Variants in PTPRD observed in about 807,000 individuals in gnomAD.
PTPRD encodes receptor-type tyrosine-protein phosphatase delta.
A neutral mutation model predicts 214.5 loss-of-function variants in PTPRD; 34 were observed. That is an observed-to-expected ratio of 0.16 (90% confidence interval 0.12 to 0.21). PTPRD has a LOEUF of 0.21. Among genes scored for constraint, PTPRD ranks in the 10% least tolerant of loss-of-function variants. PTPRD has a pLI of 1.00. For synonymous variants in PTPRD, 1,128 were observed against 845.7 expected (o/e 1.33, Z -5.79); for missense variants, 2,545 against 2,398.7 (o/e 1.06, Z -1.27).
chr9:9,553,151 T>C (rs2080729633), intron 8 of PTPRD, among the ~76,000 whole-genome samples: 1 of 152,090 alleles, frequency 6.6e-6, no homozygotes, highest in South Asian at 2.1e-4. Context: ...TGCAGTCGCC[T>C]GCTCCTATTA....
At chr9:8,933,340 G>T (rs72706259) in intron 11 of PTPRD, among the ~76,000 whole-genome samples, 33,266 of 87,702 alleles carry the variant, frequency 0.38, 6,543 homozygotes, top group Middle Eastern at 0.58. Flanking sequence ...CAACCTTGAG[G>T]TTTTTTTTTT....
At chr9:9,226,099 C>G (rs1279285319) in intron 9 of PTPRD, among the ~76,000 whole-genome samples, 1 of 151,920 alleles carries the variant, frequency 6.6e-6, no homozygotes, top group Non-Finnish European at 1.5e-5. Context: ...GACGTTACCT[C>G]TACCAGATAT....
chr9:8,426,255 G>A (rs2094663415), intron 35 of PTPRD, among the ~76,000 whole-genome samples: 1 of 152,138 alleles, frequency 6.6e-6, no homozygotes, highest in Non-Finnish European at 1.5e-5. Context: ...AGAGAACCAA[G>A]GTTCTGAGAG....
intron 3 of PTPRD, among the ~76,000 whole-genome samples, chr9:10,064,232 T>C (rs1024455495): frequency 2.0e-5 from 3 of 151,978 alleles, no homozygotes; most frequent in Non-Finnish European, 4.4e-5. Flanking sequence ...CATTACAGTA[T>C]GGTGAATTGT....
At chr9:9,401,017 T>C (rs1026064138) in intron 8 of PTPRD, among the ~76,000 whole-genome samples, 1 of 152,040 alleles carries the variant, frequency 6.6e-6, no homozygotes, top group Admixed American at 6.6e-5. Context: ...TATGATTTGT[T>C]GGAAAATACA....
intron 2 of PTPRD, among the ~76,000 whole-genome samples, chr9:10,576,998 A>C (rs1260830757): frequency 2.0e-5 from 3 of 152,032 alleles, no homozygotes; most frequent in Non-Finnish European, 4.4e-5. Flanking sequence ...AGGGCTTGAA[A>C]TAGAAATGGA....
intron 33 of PTPRD, among the ~76,000 whole-genome samples, chr9:8,456,229 A>C (rs1300072132): frequency 1.3e-5 from 2 of 152,158 alleles, no homozygotes; most frequent in Non-Finnish European, 2.9e-5. Context: ...GTGCCAAGAA[A>C]AGGGGCATTG....
chr9:9,970,578 C>A (rs578160363), intron 4 of PTPRD, among the ~76,000 whole-genome samples: 2 of 152,228 alleles, frequency 1.3e-5, no homozygotes, highest in Admixed American at 1.3e-4. Context: ...CCTCCTCCCC[C>A]CACACAGGGC....
chr9:9,381,696 T>TG (rs1387796226), intron 9 of PTPRD, among the ~76,000 whole-genome samples: 8 of 138,792 alleles, frequency 5.8e-5, no homozygotes, highest in East Asian at 2.0e-4. Context: ...GTTGTTTTGT[T>TG]TTTTGTTTTT....
chr9:9,130,703 T>C (rs552763773), intron 10 of PTPRD, among the ~76,000 whole-genome samples: 29 of 152,294 alleles, frequency 1.9e-4, no homozygotes, highest in African/African-American at 5.3e-4. Flanking sequence ...CCTTCCTGAA[T>C]TGTGATTACC....
intron 3 of PTPRD, among the ~76,000 whole-genome samples, chr9:10,323,268 CCCTCCCCTCCCCTCT>C (rs2096586510): frequency 1.9e-5 from 1 of 53,740 alleles, no homozygotes; most frequent in African/African-American, 7.5e-5. Flanking sequence ...CTCTCCCCTC[CCCTCCCCTCCCCTCT>C]CCTCCCCTCC....
At chr9:9,681,233 C>T (rs2097062889) in intron 7 of PTPRD, among the ~76,000 whole-genome samples, 1 of 151,666 alleles carries the variant, frequency 6.6e-6, no homozygotes, top group Non-Finnish European at 1.5e-5. Context: ...TAATGTTCTT[C>T]CTGAAGTGTA....
intron 7 of PTPRD, among the ~76,000 whole-genome samples, chr9:9,716,153 T>G (rs1343394935): frequency 6.6e-6 from 1 of 152,210 alleles, no homozygotes; most frequent in Non-Finnish European, 1.5e-5. Context: ...TATTTCCAAT[T>G]TCCTCCAAGT....
At chr9:8,588,598 T>C (rs1285941758) in intron 14 of PTPRD, among the ~76,000 whole-genome samples, 1 of 152,186 alleles carries the variant, frequency 6.6e-6, no homozygotes, top group Non-Finnish European at 1.5e-5. Context: ...GATAACTGTA[T>C]CAGAAAACAT....
At chr9:9,471,872 G>A (rs1260236306) in intron 8 of PTPRD, among the ~76,000 whole-genome samples, 2 of 152,044 alleles carry the variant, frequency 1.3e-5, no homozygotes, top group African/African-American at 4.8e-5. Flanking sequence ...CACATTTCAT[G>A]TTTTGAAGGG....
At chr9:8,895,912 G>C (rs1344324828) in intron 11 of PTPRD, among the ~76,000 whole-genome samples, 1 of 152,182 alleles carries the variant, frequency 6.6e-6, no homozygotes, top group East Asian at 1.9e-4. Flanking sequence ...TTAATTCCGA[G>C]GTTCAGCACA....
In PTPRD at chr9:9,241,633, T is replaced by C. The variant is rs187462423; in HGVS notation, c.-202-58270A>G. Among the ~76,000 whole-genome samples, 44 of 152,182 alleles carry C rather than the reference T, an allele frequency of 2.9e-4. No individual in the cohort carries two copies. The East Asian group carries it at 8.5e-3, about 29-fold the overall frequency. On this transcript the variant is annotated intron_variant, in intron 9 of 45. Coordinates refer to ENST00000381196, the MANE Select transcript of PTPRD (RefSeq NM_002839.4). ...TTGTCTCTTTTGATCTTTGTTGGTT[T>C]AAAGCCTGTTTTATCAGAGACTAGG...
At chr9:9,619,875 T>C (rs914411302) in intron 7 of PTPRD, among the ~76,000 whole-genome samples, 1 of 148,890 alleles carries the variant, frequency 6.7e-6, no homozygotes, top group African/African-American at 2.4e-5. Flanking sequence ...CTATATATAA[T>C]ATAGATGTTT....
chr9:9,531,901 A>G (rs1392553906), intron 8 of PTPRD, among the ~76,000 whole-genome samples: 1 of 152,064 alleles, frequency 6.6e-6, no homozygotes. Context: ...GTATAGATAC[A>G]TGTAGATATT....
Sources: allele counts gnomAD v4.1 joint callset (sites outside exome capture counted in the v4.1 genomes callset), GRCh38; gene constraint gnomAD v4.1.1; transcripts MANE v1.5; gene names NCBI Gene and HGNC (gene_info 2026-07-23, HGNC 2026-07-21).